Variants in STRN3 observed in about 807,000 individuals in gnomAD.
STRN3 encodes the protein striatin 3.
A neutral mutation model predicts 95.6 loss-of-function variants in STRN3; 29 were observed. The ratio of observed to expected loss-of-function variants is 0.30; its 90% CI spans 0.23 to 0.41. The LOEUF (loss-of-function observed/expected upper bound fraction) is 0.41, where lower values mean the gene tolerates loss of function less well. STRN3 is among the 10% of genes least tolerant of loss of function. STRN3 has a pLI of 1.00. For synonymous variants in STRN3, 331 were observed against 357.6 expected, an observed-to-expected ratio of 0.93 and a Z score of 0.84; for missense variants, 890 against 972.1, an observed-to-expected ratio of 0.92 and a Z score of 1.12.
In STRN3 at chr14:30,947,367, T is replaced by C. The variant is rs146441355; in HGVS notation, c.543-104A>G. 8.2e-4 allele frequency: 709 copies of C among 865,292 alleles called. 9 individuals are homozygous for C. The African/African-American group carries it at 0.011, about 13-fold the overall frequency. The allele number at this position is 865,292 out of a possible 1,614,324, so 53.6% of individuals were successfully genotyped here. The stretch of plus-strand genomic sequence containing the variant: ...ACCCATAATCCTATAAAATATGCTC[T>C]CCCTTTGTCTCAGTATCTTTCTTCT... On this transcript the variant is annotated intron_variant, in intron 4 of 17. Coordinates refer to ENST00000357479, the MANE Select transcript of STRN3 (RefSeq NM_001083893.2).
intron 5 of STRN3, among the ~76,000 whole-genome samples, chr14:30,938,045 A>G (rs1878910146): frequency 6.6e-6 from 1 of 152,122 alleles, no homozygotes; most frequent in South Asian, 2.1e-4. Flanking sequence ...AATACTACGT[A>G]AATAGGTGTC....
In STRN3 at chr14:30,985,846, C is replaced by T. The variant is rs146657891; in HGVS notation, c.283-29604G>A. 5.4e-3 allele frequency among the ~76,000 whole-genome samples: 828 copies of T among 152,226 alleles called. 9 individuals are homozygous for T. Among genetic ancestry groups the T allele is most frequent in the African/African-American group, 0.019 (779 of 41,530 alleles). ...TAATATCTTAGGCTCACATTAATAT[C>T]CTTTTCCATTTTTTTCTGTCCAAAA... On this transcript the variant is annotated intron_variant, in intron 1 of 17. Coordinates refer to ENST00000357479, the MANE Select transcript of STRN3 (RefSeq NM_001083893.2).
At chr14:30,925,770 T>C (rs61976768) in intron 8 of STRN3, among the ~76,000 whole-genome samples, 4,656 of 152,264 alleles carry the variant, frequency 0.031, 121 homozygotes, top group East Asian at 0.086. Flanking sequence ...TATTAAAATG[T>C]CACACTGTGT....
At chr14:31,020,841 G>C (rs1883471141) in intron 1 of STRN3, among the ~76,000 whole-genome samples, 1 of 152,090 alleles carries the variant, frequency 6.6e-6, no homozygotes. Context: ...GGGAGCCTGA[G>C]GCTACAGTAA....
intron 5 of STRN3, among the ~76,000 whole-genome samples, chr14:30,940,362 G>C (rs1879037614): frequency 6.6e-6 from 1 of 152,134 alleles, no homozygotes; most frequent in Non-Finnish European, 1.5e-5. Flanking sequence ...AAAAAATGAA[G>C]GGTAAATTTG....
At chr14:31,022,413 G>A (rs945640547) in intron 1 of STRN3, among the ~76,000 whole-genome samples, 3 of 150,570 alleles carry the variant, frequency 2.0e-5, no homozygotes, top group Non-Finnish European at 4.4e-5. Flanking sequence ...TAAACTCTTT[G>A]ACTACATTTT....
chr14:30,909,899 A>G (rs1199807203), intron 13 of STRN3, among the ~76,000 whole-genome samples: 4 of 152,204 alleles, frequency 2.6e-5, no homozygotes, highest in Non-Finnish European at 4.4e-5. Flanking sequence ...TAATTTATCA[A>G]TAAATCCTGT....
At chr14:31,011,504 G>A (rs927329718) in intron 1 of STRN3, among the ~76,000 whole-genome samples, 11 of 152,102 alleles carry the variant, frequency 7.2e-5, no homozygotes, top group South Asian at 4.1e-4. Context: ...TTAACAGGGC[G>A]TGGTGGCACA....
intron 1 of STRN3, among the ~76,000 whole-genome samples, chr14:31,005,015 G>C (rs179705): frequency 0.39 from 59,875 of 151,818 alleles, 12,582 homozygotes; most frequent in Non-Finnish European, 0.47. Context: ...AAGAGGAAAG[G>C]TATGGTAATC....
rs1428937389 is a variant in STRN3 at position 30,895,461 on chromosome 14, C to T, written c.2344G>A (p.Ala782Thr). The change falls in exon 18 of 18, where the codon GCA becomes ACA. Residue 782 changes from alanine to threonine, a missense_variant. Around this residue, in one of 3 missense-constraint regions of STRN3, gnomAD observed 357 missense variants for 422.8 expected, o/e 0.84. Coordinates refer to ENST00000357479, the MANE Select transcript of STRN3 (RefSeq NM_001083893.2). Reference sequence around the variant, plus strand: ...TCAGCTCCTGCACTAGCTATATATGCTTTTGACGAGTGGAAAGCAACATCA... The same window carrying T: ...TCAGCTCCTGCACTAGCTATATATGTTTTTGACGAGTGGAAAGCAACATCA... ...IYDVAFHSSK[A>T]YIASAGADAL... The T allele has an allele frequency of 1.2e-6, 2 of 1,613,926 alleles. No individual in the cohort carries two copies. Among genetic ancestry groups the T allele is most frequent in the South Asian group, 2.2e-5 (2 of 91,054 alleles).
At chr14:31,014,211 C>T (rs969965982) in intron 1 of STRN3, among the ~76,000 whole-genome samples, 45 of 151,606 alleles carry the variant, frequency 3.0e-4, no homozygotes, top group African/African-American at 1.0e-3. Flanking sequence ...CCTGAAAGTG[C>T]AAAAATTGTT....
chr14:30,978,352 T>C (rs937758325), intron 1 of STRN3, among the ~76,000 whole-genome samples: 13 of 152,048 alleles, frequency 8.5e-5, no homozygotes, highest in Non-Finnish European at 1.9e-4. Flanking sequence ...TAACGCATCA[T>C]TAATTGGTTA....
chr14:30,939,489 G>C (rs1878989163), intron 5 of STRN3, among the ~76,000 whole-genome samples: 3 of 152,100 alleles, frequency 2.0e-5, no homozygotes, highest in Admixed American at 1.3e-4. Context: ...AAAAAGAAAA[G>C]GTTTGTCAGG....
intron 1 of STRN3, among the ~76,000 whole-genome samples, chr14:30,979,994 A>T (rs924637481): frequency 5.7e-5 from 5 of 87,142 alleles, no homozygotes; most frequent in African/African-American, 1.7e-4. Context: ...CACGCCTGTA[A>T]TCCCAACCAC....
chr14:30,953,210 A>G (rs1263362530), intron 3 of STRN3, among the ~76,000 whole-genome samples: 1 of 152,206 alleles, frequency 6.6e-6, no homozygotes, highest in Non-Finnish European at 1.5e-5. Flanking sequence ...GTATAGCTCA[A>G]GGAATTTTTG....
rs1896083682 is a variant in STRN3, at chr14:30,894,810, TAAA to T, written c.*598_*600del. On this transcript the variant is annotated 3_prime_UTR_variant, in exon 18 of 18. Transcript: ENST00000357479. ...GCACTGTTGTGACAGGCTAAATATA[TAAA>T]AAGACTTATAAAAACTAGAATTTTA... 1 of 359,006 alleles carries T rather than the reference TAAA, an allele frequency of 2.8e-6. No individual in the cohort carries two copies. Among genetic ancestry groups the T allele is most frequent in the Non-Finnish European group, 4.6e-6 (1 of 216,850 alleles). The allele number at this position is 359,006 out of a possible 1,614,324, so 22.2% of individuals were successfully genotyped here.
chr14:31,009,720 CTAAACA>C (rs1882882692), intron 1 of STRN3, among the ~76,000 whole-genome samples: 1 of 150,910 alleles, frequency 6.6e-6, no homozygotes, highest in South Asian at 2.1e-4. Flanking sequence ...ATAGAAGTGG[CTAAACA>C]TAAACACAAA....
chr14:30,959,114 C>G (rs1222220306), intron 1 of STRN3, among the ~76,000 whole-genome samples: 2 of 152,168 alleles, frequency 1.3e-5, no homozygotes, highest in Non-Finnish European at 2.9e-5. Context: ...TCACTTAAGA[C>G]CAGGAGTTTG....
intron 1 of STRN3, among the ~76,000 whole-genome samples, chr14:31,005,634 C>T (rs1419335948): frequency 6.6e-6 from 1 of 152,192 alleles, no homozygotes. Context: ...TGAAAAGATT[C>T]ACTAACAGAT....
Sources: allele counts gnomAD v4.1 joint callset (sites outside exome capture counted in the v4.1 genomes callset), GRCh38; gene constraint gnomAD v4.1.1; regional missense constraint gnomAD v4.1.1; transcripts MANE v1.5; gene names NCBI Gene and HGNC (gene_info 2026-07-23, HGNC 2026-07-21).